The following MDFIC variants were observed in gnomAD, a reference collection of about 807,000 sequenced individuals.
The protein encoded by MDFIC is MyoD family inhibitor domain containing.
MDFIC carries 17 observed loss-of-function variants against 23.2 expected under a neutral mutation model. The ratio of observed to expected loss-of-function variants is 0.73; its 90% CI spans 0.50 to 1.10. The LOEUF is 1.10. MDFIC is among the 50% of genes least tolerant of loss of function. The pLI, the probability that MDFIC is intolerant of heterozygous loss-of-function variation, is 0.00. For missense variants in MDFIC, 356 were observed against 316.6 expected, an observed-to-expected ratio of 1.12 and a Z score of -0.95; for synonymous variants, 120 against 115.2, an observed-to-expected ratio of 1.04 and a Z score of -0.27.
At position 115,015,755 on chromosome 7, in the gene MDFIC, G is replaced by T. The variant is rs1291572484; in HGVS notation, c.561G>T (p.Leu187=). 6.2e-7 allele frequency: 1 copy of T among 1,614,038 alleles called. No homozygotes were observed. The highest frequency in any genetic ancestry group is 2.2e-5 in the East Asian group (1 of 44,900). The change falls in exon 5 of 5, where the codon CTG becomes CTT. Residue 187 remains leucine, a synonymous_variant. Transcript: ENST00000393486. ...TCCTGACCCTTTGCAACATTGTCCTGGGACAAGCGTCATGTGGCATCTGCA... is the reference window on the plus strand; with the variant it reads ...TCCTGACCCTTTGCAACATTGTCCTTGGACAAGCGTCATGTGGCATCTGCA... ...CEFLTLCNIV[L]GQASCGICTS...
intron 4 of MDFIC, among the ~76,000 whole-genome samples, chr7:115,008,250 A>G (rs1455620332): frequency 6.6e-6 from 1 of 151,770 alleles, no homozygotes; most frequent in African/African-American, 2.4e-5. Context: ...CACCTGTAGT[A>G]GGAAACTTAT....
intron 4 of MDFIC, among the ~76,000 whole-genome samples, chr7:114,990,710 G>C (rs1793592889): frequency 1.3e-5 from 2 of 152,136 alleles, no homozygotes; most frequent in Non-Finnish European, 2.9e-5. Flanking sequence ...AGTATTCCAT[G>C]GTGTATATGT....
intron 4 of MDFIC, among the ~76,000 whole-genome samples, chr7:114,982,470 G>A (rs74939667): frequency 0.036 from 5,481 of 151,850 alleles, 193 homozygotes; most frequent in African/African-American, 0.091. Context: ...GGGGAGGATC[G>A]CTTGAGACCA....
In MDFIC at chr7:114,950,307, T is replaced by A. The variant is rs529234481; in HGVS notation, c.217+7910T>A. Reference sequence around the variant, plus strand: ...TCTATGGGATGTAGCCAGTAAGACATATAGGATTAAAGGAATGACAGGTGC... The same window carrying A: ...TCTATGGGATGTAGCCAGTAAGACAAATAGGATTAAAGGAATGACAGGTGC... On this transcript the variant is annotated intron_variant, in intron 3 of 4. Coordinates refer to ENST00000393486, the MANE Select transcript of MDFIC (RefSeq NM_001166345.3). 3.9e-5 allele frequency among the ~76,000 whole-genome samples: 6 copies of A among 152,170 alleles called. No individual in the cohort carries two copies. In the East Asian group the frequency reaches 1.2e-3, roughly 29 times the overall value.
intron 3 of MDFIC, among the ~76,000 whole-genome samples, chr7:114,948,050 A>G (rs1792684804): frequency 6.6e-6 from 1 of 152,226 alleles, no homozygotes; most frequent in East Asian, 1.9e-4. Context: ...GTCTACAACA[A>G]TAACCAGCAC....
intron 4 of MDFIC, among the ~76,000 whole-genome samples, chr7:114,988,210 A>G (rs9656224): frequency 0.99 from 150,197 of 152,260 alleles, 74,114 homozygotes; most frequent in Middle Eastern, 1. Context: ...GAGATGGGTG[A>G]GGAGGAAATA....
intron 2 of MDFIC, among the ~76,000 whole-genome samples, chr7:114,924,359 A>G (rs1792149986): frequency 6.6e-6 from 1 of 152,226 alleles, no homozygotes; most frequent in African/African-American, 2.4e-5. Context: ...TTGAGCTGCT[A>G]ATCACAATTG....
At chr7:114,975,274 C>CA (rs948117132) in intron 3 of MDFIC, among the ~76,000 whole-genome samples, 24 of 151,854 alleles carry the variant, frequency 1.6e-4, no homozygotes, top group African/African-American at 5.3e-4. Context: ...AACATACAGG[C>CA]AAAAAAATGA....
chr7:115,005,670 A>G (rs1031199418), intron 4 of MDFIC, among the ~76,000 whole-genome samples: 1 of 152,220 alleles, frequency 6.6e-6, no homozygotes, highest in Non-Finnish European at 1.5e-5. Flanking sequence ...CAGCAATTTT[A>G]GAGTATACTT....
intron 3 of MDFIC, among the ~76,000 whole-genome samples, chr7:114,943,046 G>A (rs556601917): frequency 8.5e-5 from 13 of 152,168 alleles, no homozygotes; most frequent in Admixed American, 2.6e-4. Flanking sequence ...TGAATTATTC[G>A]ACATAGCAAA....
intron 3 of MDFIC, among the ~76,000 whole-genome samples, chr7:114,942,758 G>A (rs1245147359): frequency 6.6e-6 from 1 of 152,078 alleles, no homozygotes; most frequent in Non-Finnish European, 1.5e-5. Flanking sequence ...TGCTACTATG[G>A]TCTCTGTTCT....
chr7:114,991,383 G>C (rs1403679310), intron 4 of MDFIC, among the ~76,000 whole-genome samples: 2 of 151,756 alleles, frequency 1.3e-5, no homozygotes, highest in South Asian at 2.1e-4. Context: ...TTTGTCTTTT[G>C]TTGCCATTGC....
chr7:115,019,060 G>T lies in MDFIC; in HGVS notation c.*3125G>T. 1 of 151,042 alleles carries T rather than the reference G, an allele frequency of 6.6e-6. No individual in the cohort carries two copies. The highest frequency in any genetic ancestry group is 1.9e-4 in the East Asian group (1 of 5,156). The allele number at this position is 151,042 out of a possible 1,614,324, so 9.4% of individuals were successfully genotyped here. A position where few individuals can be genotyped will look rare whatever the true frequency, so the allele number is the denominator to read the frequency against. On this transcript the variant is annotated 3_prime_UTR_variant, in exon 5 of 5. Transcript: ENST00000393486. ...AAGTTAATTTCATTTATTTACTTTG[G>T]AGCTATATTTCCACTTAGAAAAACT...
At chr7:114,969,608 C>T (rs532438806) in intron 3 of MDFIC, among the ~76,000 whole-genome samples, 35 of 152,214 alleles carry the variant, frequency 2.3e-4, no homozygotes, top group Non-Finnish European at 3.5e-4. Context: ...AGGTCCCAGA[C>T]GCAGTATCTA....
intron 4 of MDFIC, among the ~76,000 whole-genome samples, chr7:114,985,813 C>T (rs995576688): frequency 1.3e-5 from 2 of 151,340 alleles, no homozygotes; most frequent in Non-Finnish European, 2.9e-5. Context: ...TGGGATGGCC[C>T]GTTCTTCTGA....
At chr7:115,003,173 C>G (rs1423067496) in intron 4 of MDFIC, among the ~76,000 whole-genome samples, 10 of 152,174 alleles carry the variant, frequency 6.6e-5, no homozygotes, top group Admixed American at 6.5e-4. Flanking sequence ...TCCTCTGTCT[C>G]CTCTGCCAGC....
chr7:114,991,446 T>A (rs1563151019), intron 4 of MDFIC, among the ~76,000 whole-genome samples: 2 of 152,204 alleles, frequency 1.3e-5, no homozygotes, highest in South Asian at 4.1e-4. Flanking sequence ...CTGAATGGTA[T>A]TTCCTAGGTT....
chr7:114,992,378 AAC>A (rs1791190713), intron 4 of MDFIC, among the ~76,000 whole-genome samples: 1 of 3,978 alleles, frequency 2.5e-4, no homozygotes, highest in African/African-American at 2.8e-4. Flanking sequence ...CAGAACTTCC[AAC>A]ACTATGTTGA....
intron 3 of MDFIC, among the ~76,000 whole-genome samples, chr7:114,971,883 T>G: frequency 6.6e-6 from 1 of 152,164 alleles, no homozygotes; most frequent in Non-Finnish European, 1.5e-5. Flanking sequence ...AAAGAAAATG[T>G]TTGTATATTA....
Sources: allele counts gnomAD v4.1 joint callset (sites outside exome capture counted in the v4.1 genomes callset), GRCh38; gene constraint gnomAD v4.1.1; transcripts MANE v1.5; gene names NCBI Gene and HGNC (gene_info 2026-07-23, HGNC 2026-07-21).